The following ITGA9 variants were observed in gnomAD, a reference collection of about 807,000 sequenced individuals.
ITGA9 encodes integrin subunit alpha 9.
ITGA9 carries 56 observed loss-of-function variants against 127.8 expected under a neutral mutation model. The ratio of observed to expected loss-of-function variants is 0.44; its 90% CI spans 0.35 to 0.55. The LOEUF is 0.55. Ranked by LOEUF, ITGA9 falls within the 20% of genes least tolerant of loss-of-function variation. The probability of loss-of-function intolerance (pLI) is 0.00; values close to 1 mark genes in which losing one functional copy is unlikely to be tolerated. For synonymous variants in ITGA9, 508 were observed against 514.5 expected, an observed-to-expected ratio of 0.99 and a Z score of 0.17; for missense variants, 1,196 against 1,347.1, an observed-to-expected ratio of 0.89 and a Z score of 1.76.
At chr3:37,622,706 G>C (rs937731852) in intron 15 of ITGA9, among the ~76,000 whole-genome samples, 2 of 151,972 alleles carry the variant, frequency 1.3e-5, no homozygotes, top group African/African-American at 2.4e-5. Flanking sequence ...TTAGCTGGGC[G>C]TGGTGGTGTG....
chr3:37,712,819 G>A (rs1701093298), intron 18 of ITGA9, among the ~76,000 whole-genome samples: 1 of 152,204 alleles, frequency 6.6e-6, no homozygotes, highest in Non-Finnish European at 1.5e-5. Flanking sequence ...CTCCTAACGG[G>A]TTGGGAGTGA....
intron 15 of ITGA9, among the ~76,000 whole-genome samples, chr3:37,591,372 C>T (rs1480083872): frequency 1.3e-5 from 2 of 152,192 alleles, no homozygotes; most frequent in Non-Finnish European, 2.9e-5. Flanking sequence ...GAACAAATCC[C>T]ATTGGCATCT....
intron 1 of ITGA9, among the ~76,000 whole-genome samples, chr3:37,460,100 T>C (rs1698300605): frequency 6.6e-6 from 1 of 152,084 alleles, no homozygotes; most frequent in African/African-American, 2.4e-5. Flanking sequence ...GGCTGCTTTG[T>C]TACTATCCCC....
chr3:37,617,150 C>T (rs1386808795), intron 15 of ITGA9, among the ~76,000 whole-genome samples: 2 of 152,164 alleles, frequency 1.3e-5, no homozygotes, highest in Non-Finnish European at 2.9e-5. Context: ...TCTTTTAGGG[C>T]AGGCCTGGTG....
rs1429595939 is a variant in ITGA9, at chr3:37,822,791, T to C, written c.*3802T>C. On this transcript the variant is annotated 3_prime_UTR_variant, in exon 28 of 28. Coordinates refer to ENST00000264741, the MANE Select transcript of ITGA9 (RefSeq NM_002207.3). ...TTTTTAAAAGGTTATTTATGACTTT[T>C]ATTTTTGGGTAAGGCATTATGGCCA... The C allele has an allele frequency of 6.6e-6, 1 of 152,254 alleles. No individual in the cohort carries two copies. The highest frequency in any genetic ancestry group is 2.4e-5 in the African/African-American group (1 of 41,466). 9.4% of individuals were successfully genotyped at this position (152,254 alleles called of 1,614,324 possible).
intron 1 of ITGA9, among the ~76,000 whole-genome samples, chr3:37,463,345 G>A (rs1032666325): frequency 1.3e-5 from 2 of 152,150 alleles, no homozygotes; most frequent in Non-Finnish European, 1.5e-5. Flanking sequence ...GCTTAGGTTG[G>A]GTTCAGCTGG....
At chr3:37,541,766 T>C (rs1347829106) in intron 14 of ITGA9, among the ~76,000 whole-genome samples, 1 of 152,204 alleles carries the variant, frequency 6.6e-6, no homozygotes, top group Non-Finnish European at 1.5e-5. Context: ...CCAGCCTTCA[T>C]CTGGGTTCCT....
intron 15 of ITGA9, among the ~76,000 whole-genome samples, chr3:37,545,103 G>A (rs73064736): frequency 4.9e-3 from 744 of 152,292 alleles, no homozygotes; most frequent in Non-Finnish European, 8.6e-3. Context: ...AGTGGCAGCC[G>A]GGCCACCTCC....
intron 1 of ITGA9, among the ~76,000 whole-genome samples, chr3:37,458,983 C>T (rs1375553356): frequency 6.6e-6 from 1 of 152,168 alleles, no homozygotes; most frequent in Non-Finnish European, 1.5e-5. Context: ...AATGTTTTAT[C>T]CCAACCTTCC....
At chr3:37,550,976 G>A (rs1699372689) in intron 15 of ITGA9, among the ~76,000 whole-genome samples, 1 of 152,174 alleles carries the variant, frequency 6.6e-6, no homozygotes, top group Admixed American at 6.5e-5. Flanking sequence ...TTGTTAATAA[G>A]TTGGTCATAT....
chr3:37,599,270 C>T (rs1052517081), intron 15 of ITGA9, among the ~76,000 whole-genome samples: 7 of 152,050 alleles, frequency 4.6e-5, no homozygotes, highest in African/African-American at 1.4e-4. Context: ...CTGGGTGGGG[C>T]GTGGCTGATT....
At chr3:37,705,418 C>A (rs146995146) in intron 18 of ITGA9, among the ~76,000 whole-genome samples, 1 of 152,302 alleles carries the variant, frequency 6.6e-6, no homozygotes, top group African/African-American at 2.4e-5. Context: ...ACATATAGAA[C>A]AAGGCCCTGG....
chr3:37,566,210 T>C (rs1699545691), intron 15 of ITGA9, among the ~76,000 whole-genome samples: 1 of 152,226 alleles, frequency 6.6e-6, no homozygotes, highest in Non-Finnish European at 1.5e-5. Flanking sequence ...CCTGAAACTG[T>C]GGGTAGTCCT....
intron 18 of ITGA9, among the ~76,000 whole-genome samples, chr3:37,700,379 G>A (rs1157537921): frequency 1.3e-5 from 2 of 150,438 alleles, no homozygotes; most frequent in Non-Finnish European, 3.0e-5. Flanking sequence ...TTTGAGACAA[G>A]GTCTCACTCT....
Position 37,526,050 on chromosome 3 carries a change from C to A in ITGA9, c.1352C>A (p.Ser451Tyr), listed in dbSNP as rs753630662. The A allele has an allele frequency of 6.2e-7, 1 of 1,614,066 alleles. No homozygotes were observed. Among genetic ancestry groups the A allele is most frequent in the South Asian group, 1.1e-5 (1 of 91,078 alleles). ...YPDVTVGAFMSDSVVLLRARP... is the reference protein window; with the variant it reads ...YPDVTVGAFMYDSVVLLRARP... ...GATGTCACTGTTGGAGCCTTCATGT[C>A]CGACAGCGTGGTTCTTCTCAGGTGA... is the stretch of plus-strand genomic sequence containing the variant. Residue 451 changes from serine to tyrosine, a missense_variant, in exon 13 of 28, where the codon TCC becomes TAC. Physicochemically the swap from Ser to Tyr is moderately radical, Grantham distance 144 (BLOSUM62 -2). Coordinates refer to ENST00000264741, the MANE Select transcript of ITGA9 (RefSeq NM_002207.3).
intron 19 of ITGA9, 45 bp downstream of exon 19, chr3:37,732,843 C>A: frequency 1.4e-6 from 2 of 1,437,440 alleles, no homozygotes; most frequent in Non-Finnish European, 1.9e-6. Context: ...AGGCCCCCAG[C>A]CCTTCCACCA....
chr3:37,803,428 C>A (rs1697257583), intron 26 of ITGA9, among the ~76,000 whole-genome samples: 1 of 152,196 alleles, frequency 6.6e-6, no homozygotes, highest in African/African-American at 2.4e-5. Context: ...GGATACTTCT[C>A]TGTAGTTCTC....
chr3:37,644,661 A>G (rs1192833047), intron 16 of ITGA9, among the ~76,000 whole-genome samples: 1 of 152,204 alleles, frequency 6.6e-6, no homozygotes, highest in Non-Finnish European at 1.5e-5. Context: ...AAAAACACCC[A>G]AGATAGCAGA....
intron 23 of ITGA9, among the ~76,000 whole-genome samples, chr3:37,772,036 C>T (rs1696850839): frequency 6.6e-6 from 1 of 152,114 alleles, no homozygotes; most frequent in Non-Finnish European, 1.5e-5. Flanking sequence ...CAGCCCAGTT[C>T]TGTGGCCTGC....
Sources: gnomAD v4.1 joint callset for allele counts (sites outside exome capture counted in the v4.1 genomes callset) on GRCh38, gnomAD v4.1.1 for gene constraint, MANE v1.5 for transcripts, NCBI Gene and HGNC (gene_info 2026-07-23, HGNC 2026-07-21) for gene names.